CPLX2: variants seen among roughly 807,000 people sequenced by gnomAD.
The protein encoded by CPLX2 is complexin 2, also known as complexin-2.
CPLX2 carries 5 observed loss-of-function variants against 16.3 expected under a neutral mutation model. The observed-to-expected ratio is 0.31, with a 90% CI of 0.16 to 0.64. CPLX2 has a LOEUF of 0.64. Among genes scored for constraint, CPLX2 ranks in the 30% least tolerant of loss-of-function variants. CPLX2 has a pLI of 0.79. For missense variants in CPLX2, 144 were observed against 181.4 expected (o/e 0.79, Z 1.18); for synonymous variants, 89 against 73.2 (o/e 1.22, Z -1.10).
intron 2 of CPLX2, among the ~76,000 whole-genome samples, chr5:175,813,472 C>A (rs1364674935): frequency 6.6e-6 from 1 of 152,194 alleles, no homozygotes. Flanking sequence ...GTGGTTGAAC[C>A]TAGAACCATG....
Position 175,881,469 on chromosome 5 carries a change from A to T in CPLX2, c.*1424A>T, listed in dbSNP as rs978467201. On this transcript the variant is annotated 3_prime_UTR_variant, in exon 4 of 4. Transcript: ENST00000393745. ...TTGTGTAAGAATGTGTTTTCAAAAC[A>T]GTGTGTGTATTGGGAGTGATGGGTA... is the stretch of plus-strand genomic sequence containing the variant. The T allele has an allele frequency of 1.3e-5, 2 of 153,390 alleles. No homozygotes were observed. The highest frequency in any genetic ancestry group is 2.4e-5 in the African/African-American group (1 of 41,466). The allele number at this position is 153,390 out of a possible 1,614,324, so 9.5% of individuals were successfully genotyped here.
At chr5:175,804,918 T>G (rs142572314) in intron 1 of CPLX2, among the ~76,000 whole-genome samples, 1,579 of 152,330 alleles carry the variant, frequency 0.01, 21 homozygotes, top group African/African-American at 0.036. Context: ...CCAGCAAGTT[T>G]TGAAGCGAGG....
chr5:175,799,530 T>G, intron 1 of CPLX2, among the ~76,000 whole-genome samples: 1 of 67,980 alleles, frequency 1.5e-5, no homozygotes, highest in Non-Finnish European at 2.8e-5. Context: ...GAGATCCCTT[T>G]GCAAATTTCA....
chr5:175,811,112 A>G (rs1451517377), intron 2 of CPLX2, among the ~76,000 whole-genome samples: 2 of 152,244 alleles, frequency 1.3e-5, no homozygotes, highest in Admixed American at 6.5e-5. Context: ...TGGATGGCAC[A>G]TAGTAAGTGC....
intron 2 of CPLX2, among the ~76,000 whole-genome samples, chr5:175,842,862 A>C (rs1225120561): frequency 1.3e-5 from 2 of 152,226 alleles, no homozygotes; most frequent in Non-Finnish European, 2.9e-5. Context: ...TGAGGAAAGA[A>C]AGACCAGGGG....
chr5:175,871,526 G>A (rs566853003), upstream of CPLX2: 1 of 151,226 alleles, frequency 6.6e-6, no homozygotes, highest in East Asian at 2.0e-4. Context: ...TAGAACGTCA[G>A]GGCCCGGCTG....
At chr5:175,811,653 C>T (rs976625490) in intron 2 of CPLX2, among the ~76,000 whole-genome samples, 7 of 151,800 alleles carry the variant, frequency 4.6e-5, no homozygotes, top group African/African-American at 1.7e-4. Context: ...CTTCCTGAAA[C>T]TTGGACTTAG....
At chr5:175,848,568 G>A (rs1271806695) in intron 2 of CPLX2, among the ~76,000 whole-genome samples, 2 of 152,196 alleles carry the variant, frequency 1.3e-5, no homozygotes, top group Admixed American at 6.5e-5. Context: ...CAGGTGCTGG[G>A]ACAGAGCCAC....
chr5:175,812,383 G>A (rs1268296080), intron 2 of CPLX2, among the ~76,000 whole-genome samples: 1 of 152,142 alleles, frequency 6.6e-6, no homozygotes, highest in African/African-American at 2.4e-5. Flanking sequence ...CTCTCACACG[G>A]GTCTGGGAAC....
chr5:175,857,488 C>A (rs550299376), intron 2 of CPLX2, among the ~76,000 whole-genome samples: 25 of 152,326 alleles, frequency 1.6e-4, no homozygotes, highest in African/African-American at 5.8e-4. Context: ...ATACACTGAA[C>A]CTACTGAGCA....
chr5:175,870,577 T>C (rs1413227797), upstream of CPLX2, among the ~76,000 whole-genome samples: 1 of 151,640 alleles, frequency 6.6e-6, no homozygotes, highest in African/African-American at 2.4e-5. Context: ...AGCCGAAAGA[T>C]GGCAGGCAGA....
intron 2 of CPLX2, among the ~76,000 whole-genome samples, chr5:175,814,972 A>T (rs1758380161): frequency 6.6e-6 from 1 of 152,124 alleles, no homozygotes; most frequent in African/African-American, 2.4e-5. Flanking sequence ...AACGTGAGGG[A>T]GGGGTGGTTC....
At chr5:175,866,138 G>A (rs1019113642) in intron 2 of CPLX2, among the ~76,000 whole-genome samples, 1 of 152,204 alleles carries the variant, frequency 6.6e-6, no homozygotes, top group Admixed American at 6.5e-5. Flanking sequence ...TCAGGAGGGG[G>A]ACCCTCTCGA....
Position 175,880,000 on chromosome 5 carries a change from G to T in CPLX2, c.360G>T (p.Val120=). ...EEEEESILDT[V]LKYLPGPLQD... ...AAGAGGAGAGCATCCTGGACACGGT[G>T]CTCAAATACCTGCCCGGGCCGCTGC... The change falls in exon 4 of 4, where the codon GTG becomes GTT. Residue 120 remains valine (V), a synonymous_variant. Coordinates refer to ENST00000393745, the MANE Select transcript of CPLX2 (RefSeq NM_001008220.2). 6.2e-7 allele frequency: 1 copy of T among 1,613,976 alleles called. No homozygotes were observed. The highest frequency in any genetic ancestry group is 8.5e-7 in the Non-Finnish European group (1 of 1,179,960).
intron 2 of CPLX2, among the ~76,000 whole-genome samples, chr5:175,860,472 G>A (rs1188737996): frequency 2.1e-5 from 3 of 140,620 alleles, no homozygotes; most frequent in South Asian, 2.3e-4. Flanking sequence ...AAGAGAGAGA[G>A]AGAAAGAAGA....
At chr5:175,846,748 C>T (rs76497383) in intron 2 of CPLX2, among the ~76,000 whole-genome samples, 3,456 of 152,278 alleles carry the variant, frequency 0.023, 136 homozygotes, top group African/African-American at 0.078. Context: ...GCCACTCCCC[C>T]ATGCCTGTAA....
At chr5:175,814,851 G>A (rs749278662) in intron 2 of CPLX2, among the ~76,000 whole-genome samples, 13 of 152,100 alleles carry the variant, frequency 8.5e-5, no homozygotes, top group Non-Finnish European at 1.5e-4. Context: ...TGCATCACTC[G>A]GCTCATGAGT....
At chr5:175,802,533 G>A (rs1334725658) in intron 1 of CPLX2, among the ~76,000 whole-genome samples, 2 of 152,142 alleles carry the variant, frequency 1.3e-5, no homozygotes, top group South Asian at 2.1e-4. Context: ...CGGAAGCTGC[G>A]ACAGCCAGGA....
At chr5:175,825,811 C>A (rs58004481) in intron 2 of CPLX2, among the ~76,000 whole-genome samples, 1 of 152,046 alleles carries the variant, frequency 6.6e-6, no homozygotes, top group Non-Finnish European at 1.5e-5. Flanking sequence ...GAGTGGAAAT[C>A]TCAGCTCCCA....
Sources: gnomAD v4.1 joint callset for allele counts (sites outside exome capture counted in the v4.1 genomes callset) on GRCh38, gnomAD v4.1.1 for gene constraint, MANE v1.5 for transcripts, NCBI Gene and HGNC (gene_info 2026-07-23, HGNC 2026-07-21) for gene names.